The following JADE2 variants were observed in gnomAD, a reference collection of about 807,000 sequenced individuals.
The protein encoded by JADE2 is E3 ubiquitin-protein ligase Jade-2.
Under a neutral mutation model 85.7 loss-of-function variants are expected in JADE2, and 13 were observed. That is an observed-to-expected ratio of 0.15 (90% CI 0.10 to 0.24). JADE2 has a LOEUF of 0.24. Among genes scored for constraint, JADE2 ranks in the 10% least tolerant of loss-of-function variants. The pLI is 1.00. For missense variants in JADE2, 846 were observed against 1,115.9 expected, an observed-to-expected ratio of 0.76 and a Z score of 3.45; for synonymous variants, 440 against 456.1, an observed-to-expected ratio of 0.96 and a Z score of 0.45.
chr5:134,527,757 C>T (rs1760956665), intron 1 of JADE2, among the ~76,000 whole-genome samples: 1 of 152,146 alleles, frequency 6.6e-6, no homozygotes, highest in African/African-American at 2.4e-5. Flanking sequence ...CTCCCAATCC[C>T]CTCAGCCACT....
chr5:134,540,491 C>T (rs1446272377), intron 3 of JADE2, among the ~76,000 whole-genome samples: 1 of 151,792 alleles, frequency 6.6e-6, no homozygotes, highest in East Asian at 1.9e-4. Context: ...ACCTTGGCCT[C>T]CCAAAGTGTC....
intron 3 of JADE2, among the ~76,000 whole-genome samples, chr5:134,545,650 A>C (rs1225651813): frequency 1.3e-5 from 2 of 152,216 alleles, no homozygotes; most frequent in Non-Finnish European, 1.5e-5. Context: ...TGGGGACCTC[A>C]CACAAGTGGT....
intron 9 of JADE2, among the ~76,000 whole-genome samples, chr5:134,568,662 G>A (rs1763798452): frequency 6.6e-6 from 1 of 152,228 alleles, no homozygotes; most frequent in South Asian, 2.1e-4. Context: ...TGGGCTGGCG[G>A]GCACCAGCTT....
intron 4 of JADE2, among the ~76,000 whole-genome samples, chr5:134,553,158 AC>A (rs1433682112): frequency 6.6e-6 from 1 of 151,570 alleles, no homozygotes; most frequent in Non-Finnish European, 1.5e-5. Flanking sequence ...GTTCGTAGAG[AC>A]AAGGTCTTGC....
intron 3 of JADE2, among the ~76,000 whole-genome samples, chr5:134,551,496 T>C (rs942603960): frequency 6.6e-6 from 1 of 151,944 alleles, no homozygotes; most frequent in Admixed American, 6.6e-5. Context: ...CCCACAGTGC[T>C]GGGATTACAG....
Position 134,566,050 on chromosome 5 carries a change from C to G in JADE2, c.970-66C>G, listed in dbSNP as rs1296184211. On this transcript the variant is annotated intron_variant, in intron 8 of 11. Transcript: ENST00000681547. The surrounding 1 kb of genome is among the most constrained non-coding windows in gnomAD (Gnocchi z 6.7). ...TTCTCAGTAGAGCCCTGGGGGAAGC[C>G]CCTCTGTCTTCTCCCCTCCCACCAG... 7.3e-7 allele frequency: 1 copy of G among 1,376,842 alleles called. No individual in the cohort carries two copies. Among genetic ancestry groups the G allele is most frequent in the Non-Finnish European group, 1.0e-6 (1 of 986,596 alleles). 85.3% of individuals were successfully genotyped at this position (1,376,842 alleles called of 1,614,324 possible).
upstream of JADE2, chr5:134,525,603 C>T: frequency 3.0e-6 from 1 of 336,578 alleles, no homozygotes; most frequent in Non-Finnish European, 5.6e-6. Flanking sequence ...GCCCCCACCC[C>T]ACCCCCACCC....
intron 10 of JADE2, chr5:134,574,456 T>G (rs1255400368): frequency 6.6e-6 from 1 of 152,350 alleles, no homozygotes; most frequent in East Asian, 1.9e-4. Flanking sequence ...CAGTGTTGCG[T>G]TTACATGCAG....
chr5:134,548,430 G>A (rs1240669591), intron 3 of JADE2, among the ~76,000 whole-genome samples: 1 of 152,170 alleles, frequency 6.6e-6, no homozygotes, highest in Non-Finnish European at 1.5e-5. Flanking sequence ...AGAGTGGGTG[G>A]AGGGGCTAAT....
At position 134,566,642 on chromosome 5, in the gene JADE2, A is replaced by G; in HGVS notation, c.1434+62A>G. ...TGGGTCCAGGAGTCCTTTCCATGCC[A>G]CACTCACTGCCCTGGAGCAGCTAGG... On this transcript the variant is annotated intron_variant, in intron 9 of 11. Coordinates refer to ENST00000681547, the MANE Select transcript of JADE2 (RefSeq NM_001388185.1). The surrounding 1 kb of genome is among the most constrained non-coding windows in gnomAD (Gnocchi z 6.7). 2 of 1,224,316 alleles carry G rather than the reference A, an allele frequency of 1.6e-6. No homozygotes were observed. The highest frequency in any genetic ancestry group is 2.6e-5 in the East Asian group (1 of 39,128). 75.8% of individuals were successfully genotyped at this position (1,224,316 alleles called of 1,614,324 possible).
chr5:134,551,304 C>A (rs1762579303), intron 3 of JADE2, among the ~76,000 whole-genome samples: 1 of 152,144 alleles, frequency 6.6e-6, no homozygotes, highest in Non-Finnish European at 1.5e-5. Flanking sequence ...TCATGGCTCA[C>A]TGCAGGGTTA....
rs757800357 is a variant in JADE2, at chr5:134,525,723, G to A, written c.-289G>A. On this transcript the variant is annotated 5_prime_UTR_variant, in exon 1 of 12. Coordinates refer to ENST00000681547, the MANE Select transcript of JADE2 (RefSeq NM_001388185.1). ...GTGCCGACCGCGGCCATCGCAGTTGGAGGCTATTTTTTGGGGGGGGTGAGT... is the reference window on the plus strand; with the variant it reads ...GTGCCGACCGCGGCCATCGCAGTTGAAGGCTATTTTTTGGGGGGGGTGAGT... 24 of 1,236,008 alleles carry A rather than the reference G, an allele frequency of 1.9e-5. No individual in the cohort carries two copies. The East Asian group carries it at 1.5e-3, about 78-fold the overall frequency. 76.6% of individuals were successfully genotyped at this position (1,236,008 alleles called of 1,614,324 possible). A position where few individuals can be genotyped will look rare whatever the true frequency, so the allele number is the denominator to read the frequency against.
At chr5:134,535,617 C>T (rs979602336) in intron 1 of JADE2, among the ~76,000 whole-genome samples, 4 of 152,104 alleles carry the variant, frequency 2.6e-5, no homozygotes, top group Admixed American at 2.6e-4. Flanking sequence ...TTTGGTTAGA[C>T]CCTTGCTCAA....
chr5:134,529,886 T>C (rs1048645235), intron 1 of JADE2, among the ~76,000 whole-genome samples: 1 of 152,192 alleles, frequency 6.6e-6, no homozygotes, highest in Non-Finnish European at 1.5e-5. Flanking sequence ...CCTTGGTACG[T>C]CCCCAGAACT....
chr5:134,545,167 A>C (rs1762216079), intron 3 of JADE2, among the ~76,000 whole-genome samples: 1 of 152,350 alleles, frequency 6.6e-6, no homozygotes, highest in African/African-American at 2.4e-5. Flanking sequence ...CCTGTGAGGC[A>C]GGCGGGTTGG....
chr5:134,542,740 C>A (rs889946975), intron 3 of JADE2, among the ~76,000 whole-genome samples: 1 of 150,966 alleles, frequency 6.6e-6, no homozygotes, highest in South Asian at 2.1e-4. Flanking sequence ...CCATGCCTGG[C>A]CTTTTTTTTT....
intron 1 of JADE2, 71 bp downstream of exon 1, chr5:134,526,082 C>T: frequency 3.0e-6 from 3 of 985,214 alleles, no homozygotes; most frequent in Non-Finnish European, 3.6e-6. Context: ...TGCAACAGAT[C>T]TGCCAGCGCT....
intron 7 of JADE2, 86 bp from the exon 8 acceptor site, chr5:134,564,408 T>G: frequency 1.2e-6 from 1 of 835,318 alleles, no homozygotes; most frequent in Non-Finnish European, 1.8e-6. Flanking sequence ...CACCACCTAG[T>G]TTCAGCAGAC....
At chr5:134,553,298 C>T (rs1189294658) in intron 4 of JADE2, among the ~76,000 whole-genome samples, 1 of 151,792 alleles carries the variant, frequency 6.6e-6, no homozygotes, top group African/African-American at 2.4e-5. Context: ...AGGGAAATCT[C>T]CAGACTTTTC....
Sources: gnomAD v4.1 joint callset for allele counts (sites outside exome capture counted in the v4.1 genomes callset) on GRCh38, gnomAD v4.1.1 for gene constraint, Gnocchi (gnomAD v3.1) non-coding constraint, MANE v1.5 for transcripts, NCBI Gene and HGNC (gene_info 2026-07-23, HGNC 2026-07-21) for gene names.